LENG8: variants seen among roughly 807,000 people sequenced by gnomAD.
LENG8 encodes the protein leukocyte receptor cluster (LRC) member 8.
A neutral mutation model predicts 102.1 loss-of-function variants in LENG8; 28 were observed. The ratio of observed to expected loss-of-function variants is 0.27; its 90% CI spans 0.20 to 0.38. The LOEUF is 0.38. LENG8 is among the 10% of genes least tolerant of loss of function. The pLI, the probability that LENG8 is intolerant of heterozygous loss-of-function variation, is 1.00. For synonymous variants in LENG8, 531 were observed against 456.7 expected (o/e 1.16, Z -2.07); for missense variants, 1,022 against 1,113.9 (o/e 0.92, Z 1.17).
At chr19:54,454,839 C>A in intron 6 of LENG8, 112 bp from the exon 7 acceptor site, 1 of 1,467,154 alleles carries the variant, frequency 6.8e-7, no homozygotes, top group Non-Finnish European at 9.3e-7. Flanking sequence ...TGTGCTGGAG[C>A]CCTCCTCTAG....
rs147401836 is a variant in LENG8, at chr19:54,456,398, C to A, written c.1378C>A (p.Pro460Thr). The change falls in exon 10 of 16, where the codon CCT (proline) becomes ACT (threonine). Residue 460 changes from proline to threonine, a missense_variant. By Grantham distance (38) the Pro-to-Thr change is conservative. Around this residue, in one of 7 missense-constraint regions of LENG8, gnomAD observed 326 missense variants for 324.5 expected, o/e 1.00. Transcript: ENST00000326764. ...CHPVGRRNPP[P>T]KGRGGRGAHM... is the part of the protein sequence containing the mutation. ...CCCTGTGGGCCGCAGGAACCCGCCC[C>A]CTAAGGGCCGGGGCGGTCGAGGGGC... The A allele has an allele frequency of 4.9e-5, 79 of 1,611,938 alleles. No homozygotes were observed. Among genetic ancestry groups the A allele is most frequent in the Admixed American group, 6.7e-5 (4 of 60,016 alleles).
rs1262593360 is a variant in LENG8, at chr19:54,452,222, C to T, written c.168C>T (p.Gly56=). 1.5e-5 allele frequency: 25 copies of T among 1,613,674 alleles called. No individual in the cohort carries two copies. The highest frequency in any genetic ancestry group is 8.8e-5 in the South Asian group (8 of 91,078). ...LASISKSGAA[G]GSAKSSSNGP... is the part of the protein sequence containing the mutation. ...GCATCAGCAAGTCAGGAGCTGCCGG[C>T]GGCTCTGCCAAGTCCAGCAGCAATG... Residue 56 remains glycine (G), a synonymous_variant, in exon 3 of 16, where the codon GGC becomes GGT. Transcript: ENST00000326764.
rs1020246920 is a variant in LENG8 at position 54,453,770 on chromosome 19, G to A, written c.426+114G>A. 1.7e-5 allele frequency: 12 copies of A among 724,306 alleles called. No individual in the cohort carries two copies. In the Middle Eastern group the frequency reaches 7.2e-4, roughly 44 times the overall value. The allele number at this position is 724,306 out of a possible 1,614,324, so 44.9% of individuals were successfully genotyped here. ...CCTTAAGCTGCTTTTTTCCTTCCAA[G>A]CAACTCCTGATCTGAAAATGAGGAG... is the stretch of plus-strand genomic sequence containing the variant. On this transcript the variant is annotated intron_variant, in intron 5 of 15. Coordinates refer to ENST00000326764, the MANE Select transcript of LENG8 (RefSeq NM_052925.4).
At chr19:54,451,122 C>G (rs10407417) in intron 1 of LENG8, among the ~76,000 whole-genome samples, 168 bp from the exon 2 acceptor site, 3,450 of 152,250 alleles carry the variant, frequency 0.023, 57 homozygotes, top group East Asian at 0.071. Flanking sequence ...TCACTCCAGC[C>G]TTTCTAGTCC....
chr19:54,453,842 A>T (rs2084083677), intron 5 of LENG8, among the ~76,000 whole-genome samples, 186 bp downstream of exon 5: 1 of 152,206 alleles, frequency 6.6e-6, no homozygotes, highest in African/African-American at 2.4e-5. Context: ...GGCTGAGCCA[A>T]GGCCAGGGCT....
In LENG8 at chr19:54,456,807, TG is replaced by T; in HGVS notation, c.1621del (p.Ala541LeufsTer39). Reference sequence around the variant, plus strand: ...TGCAGATGAGCAGCCTGGAGAGCAGTGGGGCTGACCCTGACTGGCAGGAGCT... The same window carrying T: ...TGCAGATGAGCAGCCTGGAGAGCAGTGGGCTGACCCTGACTGGCAGGAGCT... ...VLQMSSLESSGADPDWQELQI... is the reference protein window; with the variant it reads ...VLQMSSLESSXADPDWQELQI... On this transcript the variant is annotated frameshift_variant, in exon 11 of 16. Coordinates refer to ENST00000326764, the MANE Select transcript of LENG8 (RefSeq NM_052925.4). LOFTEE classifies it high-confidence loss of function. 6.2e-7 allele frequency: 1 copy of T among 1,611,466 alleles called. No homozygotes were observed.
Position 54,456,397 on chromosome 19 carries a change from C to T in LENG8, c.1377C>T (p.Pro459=). 1 of 1,611,906 alleles carries T rather than the reference C, an allele frequency of 6.2e-7. No homozygotes were observed. Among genetic ancestry groups the T allele is most frequent in the Non-Finnish European group, 8.5e-7 (1 of 1,179,928 alleles). The change falls in exon 10 of 16, where the codon CCC becomes CCT. Residue 459 remains proline, a synonymous_variant. Transcript: ENST00000326764. The part of the protein sequence containing the change: ...ECHPVGRRNP[P]PKGRGGRGAH... ...ACCCTGTGGGCCGCAGGAACCCGCC[C>T]CCTAAGGGCCGGGGCGGTCGAGGGG... is the stretch of plus-strand genomic sequence containing the variant.
Position 54,455,490 on chromosome 19 carries a change from G to C in LENG8, c.948G>C (p.Leu316=). The change falls in exon 8 of 16, where the codon CTG becomes CTC. Residue 316 remains leucine, a synonymous_variant. Coordinates refer to ENST00000326764, the MANE Select transcript of LENG8 (RefSeq NM_052925.4). ...SEEDKDRTEK[L]LKEVLQARLQ... ...AGGACAAGGACCGCACGGAAAAGCT[G>C]CTCAAGGAGGTGCTGCAGGCGCGGC... is the stretch of plus-strand genomic sequence containing the variant. 1 of 1,614,122 alleles carries C rather than the reference G, an allele frequency of 6.2e-7. No homozygotes were observed. Among genetic ancestry groups the C allele is most frequent in the Non-Finnish European group, 8.5e-7 (1 of 1,180,038 alleles).
In LENG8 at chr19:54,456,849, C is replaced by T; in HGVS notation, c.1659C>T (p.Thr553=). ...PDWQELQIVG[T]CPDITKHYLR... is the part of the protein sequence containing the mutation. ...GGCAGGAGCTGCAGATCGTGGGCAC[C>T]TGCCCTGACATCACCAAGCACTACC... Residue 553 remains threonine (T), a synonymous_variant, in exon 11 of 16, where the codon ACC becomes ACT. Transcript: ENST00000326764. 6.2e-7 allele frequency: 1 copy of T among 1,611,136 alleles called. No homozygotes were observed. The highest frequency in any genetic ancestry group is 1.1e-5 in the South Asian group (1 of 90,990).
At chr19:54,455,654 G>A in intron 8 of LENG8, 87 bp downstream of exon 8, 3 of 1,219,436 alleles carry the variant, frequency 2.5e-6, no homozygotes, top group Non-Finnish European at 3.5e-6. Context: ...GCGGGTCCCA[G>A]GTACCAGGAG....
chr19:54,459,177 CAA>C (rs1411579619), intron 15 of LENG8: 33 of 1,207,918 alleles, frequency 2.7e-5, no homozygotes, highest in Non-Finnish European at 2.9e-5. Flanking sequence ...TGGGCAATGT[CAA>C]GAGAGGTTTT....
In LENG8 at chr19:54,461,672, A is replaced by G. The variant is rs1416074387; in HGVS notation, c.*744A>G. On this transcript the variant is annotated 3_prime_UTR_variant, in exon 16 of 16. Coordinates refer to ENST00000326764, the MANE Select transcript of LENG8 (RefSeq NM_052925.4). Reference sequence around the variant, plus strand: ...CCTCTCCGCATTCTTCCCTTGGTTCAGCACAGGTAAAACGGTTCCCCTCCC... The same window carrying G: ...CCTCTCCGCATTCTTCCCTTGGTTCGGCACAGGTAAAACGGTTCCCCTCCC... 2.1e-6 allele frequency: 1 copy of G among 473,686 alleles called. No individual in the cohort carries two copies. Among genetic ancestry groups the G allele is most frequent in the East Asian group, 6.9e-5 (1 of 14,570 alleles). 29.3% of individuals were successfully genotyped at this position (473,686 alleles called of 1,614,324 possible). A position where few individuals can be genotyped will look rare whatever the true frequency, so the allele number is the denominator to read the frequency against.
chr19:54,455,684 G>A lies in LENG8; in HGVS notation c.1025+117G>A, dbSNP rs1044050252. On this transcript the variant is annotated intron_variant, in intron 8 of 15. Transcript: ENST00000326764. ...CAGGAGCTCCAAAGAGAAATGAACT[G>A]GAAAGTTGGATCCTGGGGGGATGAA... 3.7e-5 allele frequency: 38 copies of A among 1,014,726 alleles called. No individual in the cohort carries two copies. The Middle Eastern group carries it at 9.3e-4, about 25-fold the overall frequency. 62.9% of individuals were successfully genotyped at this position (1,014,726 alleles called of 1,614,324 possible).
At position 54,451,286 on chromosome 19, in the gene LENG8, A is replaced by T. The variant is rs10407651; in HGVS notation, c.-55-4A>T. The T allele has an allele frequency of 6.4e-7, 1 of 1,563,540 alleles. No individual in the cohort carries two copies. The highest frequency in any genetic ancestry group is 8.8e-7 in the Non-Finnish European group (1 of 1,133,810). On this transcript the variant is annotated splice_region_variant and splice_polypyrimidine_tract_variant and intron_variant, in intron 1 of 15. Transcript: ENST00000326764. ...GTCTCCCTAACTCATTCTTTTTCTCATAGACAGTGAAAAAGCAGTCTGGCT... is the reference window on the plus strand; with the variant it reads ...GTCTCCCTAACTCATTCTTTTTCTCTTAGACAGTGAAAAAGCAGTCTGGCT...
Position 54,452,083 on chromosome 19 carries a change from C to A in LENG8, c.39-10C>A. Reference sequence around the variant, plus strand: ...GAACAGGTGTGACTTGATGTCCTCTCTCTCTGCAGGTCTTCTCAGTACAGC... The same window carrying A: ...GAACAGGTGTGACTTGATGTCCTCTATCTCTGCAGGTCTTCTCAGTACAGC... On this transcript the variant is annotated splice_polypyrimidine_tract_variant and intron_variant, in intron 2 of 15. Transcript: ENST00000326764. The A allele has an allele frequency of 6.2e-7, 1 of 1,602,374 alleles. No homozygotes were observed. The highest frequency in any genetic ancestry group is 8.5e-7 in the Non-Finnish European group (1 of 1,171,164).
At chr19:54,458,574 GCACCGCCCCT>G in intron 15 of LENG8, 53 bp downstream of exon 15, 1 of 1,609,074 alleles carries the variant, frequency 6.2e-7, no homozygotes, top group Non-Finnish European at 8.5e-7. Flanking sequence ...CTTCCGCCTC[GCACCGCCCCT>G]CAGACCAGCT....
Position 54,460,876 on chromosome 19 carries a change from AC to A in LENG8, c.2352del (p.Asp784GlufsTer41), listed in dbSNP as rs1202552284. 6.4e-7 allele frequency: 1 copy of A among 1,560,610 alleles called. No homozygotes were observed. The highest frequency in any genetic ancestry group is 8.7e-7 in the Non-Finnish European group (1 of 1,154,008). The stretch of plus-strand genomic sequence containing the variant: ...CTGGGCCTGGCCTACACGGGCCCGG[AC>A]AACTCCAGCATCGACTGCCGCCTCA... ...EPLGLAYTGPDNSSIDCRLSL... is the reference protein window; with the variant it reads ...EPLGLAYTGPXNSSIDCRLSL... On this transcript the variant is annotated frameshift_variant, in exon 16 of 16. Coordinates refer to ENST00000326764, the MANE Select transcript of LENG8 (RefSeq NM_052925.4). LOFTEE classifies it high-confidence loss of function.
chr19:54,461,278 C>G lies in LENG8; in HGVS notation c.*350C>G. On this transcript the variant is annotated 3_prime_UTR_variant, in exon 16 of 16. Coordinates refer to ENST00000326764, the MANE Select transcript of LENG8 (RefSeq NM_052925.4). ...GCACTCCGGTACCCGACCCGGCGCCCTGGCCCATCCCATGCCGGGGGGCCA... is the reference window on the plus strand; with the variant it reads ...GCACTCCGGTACCCGACCCGGCGCCGTGGCCCATCCCATGCCGGGGGGCCA... The G allele has an allele frequency of 2.1e-6, 1 of 483,976 alleles. No individual in the cohort carries two copies. Among genetic ancestry groups the G allele is most frequent in the South Asian group, 1.6e-5 (1 of 62,446 alleles). 30.0% of individuals were successfully genotyped at this position (483,976 alleles called of 1,614,324 possible).
At chr19:54,457,498 G>A (rs994962326) in intron 11 of LENG8, among the ~76,000 whole-genome samples, 6 of 152,240 alleles carry the variant, frequency 3.9e-5, no homozygotes, top group East Asian at 1.9e-4. Context: ...CTGCCACTAC[G>A]CCTGGCTGAT....
Sources: allele counts gnomAD v4.1 joint callset (sites outside exome capture counted in the v4.1 genomes callset), GRCh38; gene constraint gnomAD v4.1.1; regional missense constraint gnomAD v4.1.1; transcripts MANE v1.5; gene names NCBI Gene and HGNC (gene_info 2026-07-23, HGNC 2026-07-21).